Variants in THADA observed in about 807,000 individuals in gnomAD.
THADA encodes the protein tRNA (32-2'-O)-methyltransferase regulator THADA.
THADA carries 213 observed loss-of-function variants against 219.8 expected under a neutral mutation model. The observed-to-expected ratio is 0.97, with a 90% CI of 0.87 to 1.09. The LOEUF (loss-of-function observed/expected upper bound fraction) is 1.09, where lower values mean the gene tolerates loss of function less well. THADA is among the 50% of genes least tolerant of loss of function. The pLI, the probability that THADA is intolerant of heterozygous loss-of-function variation, is 0.00. For synonymous variants in THADA, 1,018 were observed against 828.9 expected (o/e 1.23, Z -3.92); for missense variants, 2,956 against 2,311.3 (o/e 1.28, Z -5.72).
intron 36 of THADA, among the ~76,000 whole-genome samples, chr2:43,258,919 G>A (rs979585218): frequency 6.6e-6 from 1 of 152,176 alleles, no homozygotes; most frequent in African/African-American, 2.4e-5. Context: ...ACTCTACACA[G>A]GGCTCACATT....
chr2:43,329,367 A>T (rs1679699215), intron 30 of THADA, among the ~76,000 whole-genome samples: 1 of 152,166 alleles, frequency 6.6e-6, no homozygotes, highest in African/African-American at 2.4e-5. Flanking sequence ...AGGTGGATGA[A>T]ATCTTCTGGA....
intron 31 of THADA, among the ~76,000 whole-genome samples, chr2:43,316,974 G>A (rs970060160): frequency 1.3e-5 from 2 of 152,200 alleles, no homozygotes; most frequent in Non-Finnish European, 2.9e-5. Context: ...CATTTATTCT[G>A]TGCCATGCAA....
At chr2:43,580,222 T>C (rs186523368) in intron 8 of THADA, among the ~76,000 whole-genome samples, 1 of 151,694 alleles carries the variant, frequency 6.6e-6, no homozygotes, top group Non-Finnish European at 1.5e-5. Context: ...TTTTTTAGTA[T>C]TTTAGACAGG....
At chr2:43,327,645 C>T (rs1359480168) in intron 30 of THADA, among the ~76,000 whole-genome samples, 1 of 152,110 alleles carries the variant, frequency 6.6e-6, no homozygotes, top group Non-Finnish European at 1.5e-5. Flanking sequence ...GGCACAGGCA[C>T]CTATAATCCC....
chr2:43,360,657 C>G (rs1480611585), intron 29 of THADA, among the ~76,000 whole-genome samples: 1 of 152,190 alleles, frequency 6.6e-6, no homozygotes, highest in Non-Finnish European at 1.5e-5. Context: ...GAGTCGATAG[C>G]TGAATGAAAC....
chr2:43,302,595 G>A (rs771708235), intron 31 of THADA, among the ~76,000 whole-genome samples: 27 of 151,918 alleles, frequency 1.8e-4, no homozygotes, highest in Non-Finnish European at 7.4e-5. Flanking sequence ...CTAATGAAAT[G>A]TCACAATGTG....
At chr2:43,407,810 T>C (rs979224617) in intron 28 of THADA, among the ~76,000 whole-genome samples, 1 of 151,656 alleles carries the variant, frequency 6.6e-6, no homozygotes, top group Admixed American at 6.6e-5. Context: ...ATAAAGTATA[T>C]AATATTATAT....
chr2:43,503,228 ACACT>A (rs1211771571), intron 24 of THADA, among the ~76,000 whole-genome samples: 3 of 152,214 alleles, frequency 2.0e-5, no homozygotes, highest in Admixed American at 1.3e-4. Flanking sequence ...ACCTGGAGAA[ACACT>A]CACGTGTGTA....
chr2:43,292,656 G>GT (rs950991165), intron 32 of THADA, among the ~76,000 whole-genome samples, 178 bp downstream of exon 32: 45 of 152,142 alleles, frequency 3.0e-4, no homozygotes, highest in African/African-American at 9.7e-4. Flanking sequence ...GCCCTACCAG[G>GT]TATGACGCCA....
chr2:43,380,604 AT>A (rs1206907924), intron 29 of THADA, among the ~76,000 whole-genome samples: 1 of 152,232 alleles, frequency 6.6e-6, no homozygotes, highest in African/African-American at 2.4e-5. Flanking sequence ...GTTAGTATAC[AT>A]ATATGTATTT....
At chr2:43,475,433 A>AC (rs1333821969) in intron 26 of THADA, among the ~76,000 whole-genome samples, 27 of 151,808 alleles carry the variant, frequency 1.8e-4, no homozygotes, top group African/African-American at 6.3e-4. Flanking sequence ...AAAAAAAAAA[A>AC]AAAAAAAAAA....
chr2:43,401,254 C>T (rs1364189225), intron 28 of THADA, among the ~76,000 whole-genome samples: 1 of 152,158 alleles, frequency 6.6e-6, no homozygotes, highest in African/African-American at 2.4e-5. Context: ...CTACCATGTC[C>T]TCAATACTGT....
At chr2:43,356,852 T>C (rs886528745) in intron 29 of THADA, among the ~76,000 whole-genome samples, 1 of 152,370 alleles carries the variant, frequency 6.6e-6, no homozygotes, top group Admixed American at 6.5e-5. Flanking sequence ...GGATACTTCA[T>C]GGCTTCCCCA....
chr2:43,470,944 G>T (rs917385666), intron 26 of THADA, among the ~76,000 whole-genome samples: 1 of 152,292 alleles, frequency 6.6e-6, no homozygotes, highest in East Asian at 1.9e-4. Flanking sequence ...TCATCTATGG[G>T]ATGGGTAGTG....
intron 17 of THADA, among the ~76,000 whole-genome samples, chr2:43,554,033 T>C (rs750803966): frequency 2.0e-5 from 3 of 152,214 alleles, no homozygotes; most frequent in Non-Finnish European, 2.9e-5. Flanking sequence ...TTATCAGACA[T>C]AGGATTTGCA....
At chr2:43,286,768 T>G in intron 35 of THADA, 140 bp downstream of exon 35, 2 of 967,978 alleles carry the variant, frequency 2.1e-6, no homozygotes, top group Non-Finnish European at 3.0e-6. Flanking sequence ...GAGCATGAAC[T>G]AAGACGGTAG....
At chr2:43,504,446 C>T (rs756860497) in intron 24 of THADA, among the ~76,000 whole-genome samples, 20 of 152,128 alleles carry the variant, frequency 1.3e-4, no homozygotes, top group Non-Finnish European at 2.8e-4. Context: ...TTCCACAGTC[C>T]TCATTCTGGC....
chr2:43,575,958 T>C (rs946762823), intron 10 of THADA, among the ~76,000 whole-genome samples: 4 of 152,256 alleles, frequency 2.6e-5, no homozygotes, highest in Non-Finnish European at 5.9e-5. Context: ...TAAAACTTCA[T>C]TTCAGAAATG....
chr2:43,418,079 ATCTG>A (rs1425004088), intron 28 of THADA, among the ~76,000 whole-genome samples: 1 of 152,194 alleles, frequency 6.6e-6, no homozygotes. Context: ...CAAAAACTGT[ATCTG>A]TCTGATTCAC....
Sources: allele counts gnomAD v4.1 joint callset (sites outside exome capture counted in the v4.1 genomes callset), GRCh38; gene constraint gnomAD v4.1.1; transcripts MANE v1.5; gene names NCBI Gene and HGNC (gene_info 2026-07-23, HGNC 2026-07-21).